Variants in MAD1L1 observed in about 807,000 individuals in gnomAD.
MAD1L1 encodes mitotic arrest deficient 1 like 1, also known as mitotic spindle assembly checkpoint protein MAD1.
In MAD1L1, 95 loss-of-function variants were observed where a neutral mutation model predicts 96.9. The observed-to-expected ratio is 0.98, with a 90% CI of 0.83 to 1.16. The LOEUF (loss-of-function observed/expected upper bound fraction) is 1.16. Among genes scored for constraint, MAD1L1 ranks in the 50% most tolerant of loss-of-function variants. MAD1L1 has a pLI of 0.00. For synonymous variants in MAD1L1, 473 were observed against 396.6 expected (o/e 1.19, Z -2.29); for missense variants, 1,007 against 954.4 (o/e 1.06, Z -0.73).
chr7:2,146,559 T>C lies in MAD1L1; in HGVS notation c.1073+2593A>G, dbSNP rs543253296. On this transcript the variant is annotated intron_variant, in intron 11 of 18. Coordinates refer to ENST00000265854, the MANE Select transcript of MAD1L1 (RefSeq NM_001013836.2). This position sits in a 1 kb window ranked among gnomAD's most constrained non-coding sequence, Gnocchi z 6.2. ...GTGGTCACAAGCACGTGCCCGCTGG[T>C]CCGCACAGACGAGGGAAAATGCCCA... Among the ~76,000 whole-genome samples the C allele has an allele frequency of 6.6e-6, 1 of 152,290 alleles. No individual in the cohort carries two copies. Among genetic ancestry groups the C allele is most frequent in the East Asian group, 1.9e-4 (1 of 5,182 alleles).
chr7:2,120,441 C>A (rs1401874616), intron 11 of MAD1L1, among the ~76,000 whole-genome samples: 1 of 152,232 alleles, frequency 6.6e-6, no homozygotes, highest in African/African-American at 2.4e-5. Flanking sequence ...CCTGGGGGCG[C>A]AGCCTTGGGG....
intron 10 of MAD1L1, among the ~76,000 whole-genome samples, chr7:2,179,453 G>A (rs1419364974): frequency 2.6e-5 from 4 of 151,196 alleles, no homozygotes; most frequent in African/African-American, 4.9e-5. Context: ...ACTTGAACCC[G>A]GGAGGTAGAG....
chr7:2,028,125 G>C (rs10269764), intron 12 of MAD1L1, among the ~76,000 whole-genome samples: 28,989 of 151,990 alleles, frequency 0.19, 5,450 homozygotes, highest in African/African-American at 0.48. Flanking sequence ...AATTTCGAGA[G>C]AAAATAAGTA....
chr7:1,975,984 G>A (rs567085610), intron 15 of MAD1L1, among the ~76,000 whole-genome samples: 8 of 152,310 alleles, frequency 5.3e-5, no homozygotes, highest in East Asian at 1.9e-4. Context: ...CAGAGAGGAC[G>A]GGCTCAGATT....
chr7:2,182,570 C>A (rs1791252111), intron 10 of MAD1L1, among the ~76,000 whole-genome samples: 1 of 152,188 alleles, frequency 6.6e-6, no homozygotes. Context: ...ATGTCTACAG[C>A]TGATGAATGG....
intron 14 of MAD1L1, among the ~76,000 whole-genome samples, chr7:2,000,232 T>A (rs1781730775): frequency 6.6e-6 from 1 of 151,832 alleles, no homozygotes; most frequent in Admixed American, 6.6e-5. Flanking sequence ...GCTCTCTACC[T>A]CACCTGCATC....
chr7:2,117,745 C>T (rs1283649375), intron 11 of MAD1L1, among the ~76,000 whole-genome samples: 2 of 152,078 alleles, frequency 1.3e-5, no homozygotes, highest in African/African-American at 2.4e-5. Flanking sequence ...TATAAATCAC[C>T]GAGTCTCGGG....
chr7:1,904,391 G>A (rs375448362), intron 17 of MAD1L1, among the ~76,000 whole-genome samples: 7 of 135,468 alleles, frequency 5.2e-5, no homozygotes, highest in African/African-American at 9.3e-5. Context: ...ATTCATGATT[G>A]ATGAAGCACT....
rs1057263554 is a variant in MAD1L1, at chr7:2,120,141, CT to C, written c.1073+29010del. 1.1e-4 allele frequency among the ~76,000 whole-genome samples: 16 copies of C among 152,332 alleles called. No individual in the cohort carries two copies. In the South Asian group the frequency reaches 1.5e-3, roughly 14 times the overall value. On this transcript the variant is annotated intron_variant, in intron 11 of 18. Coordinates refer to ENST00000265854, the MANE Select transcript of MAD1L1 (RefSeq NM_001013836.2). Reference sequence around the variant, plus strand: ...CACACTGGGTCTATGGTAAGGCCACCTCCCCCTCTCTTGGCCCTCTCCACCT... The same window carrying C: ...CACACTGGGTCTATGGTAAGGCCACCCCCCCTCTCTTGGCCCTCTCCACCT...
intron 10 of MAD1L1, among the ~76,000 whole-genome samples, chr7:2,163,028 A>G (rs764726739): frequency 6.6e-6 from 1 of 152,120 alleles, no homozygotes; most frequent in African/African-American, 2.4e-5. Context: ...TTTTTTAGCA[A>G]TTTTCCTTTG....
chr7:1,866,061 G>A (rs982867420), intron 18 of MAD1L1, among the ~76,000 whole-genome samples: 4 of 152,248 alleles, frequency 2.6e-5, no homozygotes, highest in African/African-American at 9.6e-5. Context: ...GGATAGCCAG[G>A]GATGTCCATG....
At chr7:2,065,570 C>A (rs139271845) in intron 12 of MAD1L1, among the ~76,000 whole-genome samples, 1 of 152,296 alleles carries the variant, frequency 6.6e-6, no homozygotes, top group Non-Finnish European at 1.5e-5. Context: ...GGAACGTGCT[C>A]ATTCAGCCAG....
chr7:2,152,828 G>A (rs890210641), intron 10 of MAD1L1, among the ~76,000 whole-genome samples: 3 of 152,190 alleles, frequency 2.0e-5, no homozygotes, highest in African/African-American at 7.2e-5. Flanking sequence ...TTCAGGGTGT[G>A]CAATCCAAGC....
chr7:1,951,183 G>A (rs941017961), intron 16 of MAD1L1, among the ~76,000 whole-genome samples: 1 of 152,260 alleles, frequency 6.6e-6, no homozygotes, highest in South Asian at 2.1e-4. Flanking sequence ...CCACTACAGG[G>A]CACAAACAAC....
chr7:2,213,200 G>A lies in MAD1L1; in HGVS notation c.986+12C>T, dbSNP rs1283959861. The A allele has an allele frequency of 6.2e-7, 1 of 1,614,054 alleles. No homozygotes were observed. Among genetic ancestry groups the A allele is most frequent in the East Asian group, 2.2e-5 (1 of 44,882 alleles). ...AGAAGGCGGGACCCCGGAGACACCT[G>A]CCCTTCCCTACCTGATGCTCAGGCC... On this transcript the variant is annotated intron_variant, in intron 10 of 18. Transcript: ENST00000265854.
chr7:2,008,325 C>T (rs945725354), intron 13 of MAD1L1, among the ~76,000 whole-genome samples: 21 of 152,280 alleles, frequency 1.4e-4, no homozygotes, highest in African/African-American at 2.4e-4. Flanking sequence ...AGTGGGTGGG[C>T]GGCAGAGCAC....
rs573620835 is a variant in MAD1L1 at position 2,091,526 on chromosome 7, A to C, written c.1074-22188T>G. ...CACGGTAGCTCACGCCTATGATCCC[A>C]GCACTTTGGGAGGCCGAGGTGGGCG... On this transcript the variant is annotated intron_variant, in intron 11 of 18. Coordinates refer to ENST00000265854, the MANE Select transcript of MAD1L1 (RefSeq NM_001013836.2). Among the ~76,000 whole-genome samples the C allele has an allele frequency of 1.4e-4, 21 of 152,374 alleles. No homozygotes were observed. In the South Asian group the frequency reaches 3.9e-3, roughly 29 times the overall value.
chr7:2,171,677 A>C (rs1279206095), intron 10 of MAD1L1, among the ~76,000 whole-genome samples: 1 of 151,478 alleles, frequency 6.6e-6, no homozygotes, highest in African/African-American at 2.4e-5. Flanking sequence ...ACGTATAGTC[A>C]CCTCCGCCAT....
intron 11 of MAD1L1, among the ~76,000 whole-genome samples, chr7:2,111,992 A>C (rs140825072): frequency 1.7e-3 from 255 of 152,330 alleles, no homozygotes; most frequent in South Asian, 3.9e-3. Context: ...CCAAACCCAG[A>C]AACAATACAG....
Sources: allele counts gnomAD v4.1 joint callset (sites outside exome capture counted in the v4.1 genomes callset), GRCh38; gene constraint gnomAD v4.1.1; non-coding constraint Gnocchi (gnomAD v3.1); transcripts MANE v1.5; gene names NCBI Gene and HGNC (gene_info 2026-07-23, HGNC 2026-07-21).